SLC36A4: variants seen among roughly 807,000 people sequenced by gnomAD.
SLC36A4 encodes the protein neutral amino acid uniporter 4.
Under a neutral mutation model 50.5 loss-of-function variants are expected in SLC36A4, and 49 were observed. That is an observed-to-expected ratio of 0.97 (90% CI 0.77 to 1.23). The LOEUF (loss-of-function observed/expected upper bound fraction) is 1.23. Among genes scored for constraint, SLC36A4 ranks in the 50% most tolerant of loss-of-function variants. The pLI, the probability that SLC36A4 is intolerant of heterozygous loss-of-function variation, is 0.00. For missense variants in SLC36A4, 611 were observed against 608.4 expected (o/e 1.00, Z -0.05); for synonymous variants, 207 against 206.5 (o/e 1.00, Z -0.02).
At position 93,162,764 on chromosome 11, in the gene SLC36A4, T is replaced by C. The variant is rs1240224597; in HGVS notation, c.979A>G (p.Met327Val). The part of the protein sequence containing the change: ...LYVTLATLGY[M>V]CFHDEIKGSI... ...CCTTTGATTTCATCATGGAAACACA[T>C]ATATCCTAAAGTAGCTAATGTTACA... is the stretch of plus-strand genomic sequence containing the variant. Residue 327 changes from methionine to valine, a missense_variant, in exon 9 of 11, where the codon ATG (methionine) becomes GTG (valine). By Grantham distance (21) the Met-to-Val change is conservative (BLOSUM62 1). Transcript: ENST00000326402. 1.9e-6 allele frequency: 3 copies of C among 1,613,592 alleles called. No individual in the cohort carries two copies. The highest frequency in any genetic ancestry group is 1.7e-6 in the Non-Finnish European group (2 of 1,179,786).
intron 3 of SLC36A4, among the ~76,000 whole-genome samples, chr11:93,183,844 T>A (rs1240976529): frequency 2.0e-5 from 3 of 151,898 alleles, no homozygotes; most frequent in East Asian, 1.9e-4. Flanking sequence ...ACTACAGGCA[T>A]CCGCCACCAC....
intron 6 of SLC36A4, chr11:93,180,407 G>T: frequency 1.3e-6 from 1 of 775,350 alleles, no homozygotes; most frequent in Non-Finnish European, 1.6e-6. Flanking sequence ...TTTTAATAAT[G>T]AATGCTCACT....
chr11:93,178,666 GAATT>G (rs1330450310), intron 6 of SLC36A4, among the ~76,000 whole-genome samples: 2 of 152,150 alleles, frequency 1.3e-5, no homozygotes, highest in Non-Finnish European at 2.9e-5. Flanking sequence ...AAACTTTGCT[GAATT>G]ATTTTATCAG....
At chr11:93,175,966 G>A (rs1442941155) in intron 6 of SLC36A4, among the ~76,000 whole-genome samples, 19 of 134,458 alleles carry the variant, frequency 1.4e-4, no homozygotes, top group Admixed American at 1.6e-4. Context: ...TATTAGGTCC[G>A]CTTGGTGCAG....
chr11:93,168,803 A>G (rs1321326525), intron 6 of SLC36A4, among the ~76,000 whole-genome samples: 2 of 152,046 alleles, frequency 1.3e-5, no homozygotes, highest in African/African-American at 4.8e-5. Flanking sequence ...CACAAGATAA[A>G]TCAACCTTAT....
At chr11:93,180,366 G>A (rs1861683342) in intron 6 of SLC36A4, 26 of 970,658 alleles carry the variant, frequency 2.7e-5, no homozygotes, top group Admixed American at 6.2e-5. Context: ...TGGACACAGT[G>A]TCTTTTTACA....
In SLC36A4 at chr11:93,180,858, A is replaced by C; in HGVS notation, c.479T>G (p.Val160Gly). 1 of 1,612,984 alleles carries C rather than the reference A, an allele frequency of 6.2e-7. No individual in the cohort carries two copies. Among genetic ancestry groups the C allele is most frequent in the Non-Finnish European group, 8.5e-7 (1 of 1,179,252 alleles). Residue 160 changes from valine (V) to glycine (G), a missense_variant, in exon 6 of 11, where the codon GTG (valine) becomes GGG (glycine). Val to Gly is a moderately radical substitution (Grantham distance 109). Transcript: ENST00000326402. ...ACTACAGAATCCCAGCTGTGTTATCACCAGAAAAAAGTCAACCACACTCCT... is the reference window on the plus strand; with the variant it reads ...ACTACAGAATCCCAGCTGTGTTATCCCCAGAAAAAAGTCAACCACACTCCT... ...WGRSVVDFFL[V>G]ITQLGFCSVY...
At chr11:93,162,977 A>AT (rs1167294557) in intron 8 of SLC36A4, 102 bp from the exon 9 acceptor site, 30 of 996,798 alleles carry the variant, frequency 3.0e-5, no homozygotes, top group Non-Finnish European at 4.4e-5. Flanking sequence ...CTATATGCAA[A>AT]TTTTTTTCCT....
Position 93,197,763 on chromosome 11 carries a change from A to C in SLC36A4, c.55+15T>G, listed in dbSNP as rs535100303. On this transcript the variant is annotated intron_variant, in intron 1 of 10. Transcript: ENST00000326402. ...CCACGTCAGCCCCGGCTCCCTGCCC[A>C]CGCACAACACCGACCTAGCTCCTCG... 4.4e-6 allele frequency: 7 copies of C among 1,588,810 alleles called. No individual in the cohort carries two copies. The African/African-American group carries it at 9.6e-5, about 22-fold the overall frequency.
In SLC36A4 at chr11:93,185,767, T is replaced by C. The variant is rs767328251; in HGVS notation, c.103A>G (p.Thr35Ala). The C allele has an allele frequency of 6.2e-7, 1 of 1,608,680 alleles. No homozygotes were observed. The highest frequency in any genetic ancestry group is 8.5e-7 in the Non-Finnish European group (1 of 1,178,544). Residue 35 changes from threonine to alanine, a missense_variant, in exon 2 of 11, where the codon ACA becomes GCA. Transcript: ENST00000326402. ...PLINEQNFDG[T>A]SDEEHEQELL... ...TCTTGCTCATGTTCTTCATCTGATG[T>C]CCCATCAAAATTCTGCTCATTTATC...
intron 9 of SLC36A4, chr11:93,160,823 C>T: frequency 1.2e-6 from 1 of 854,154 alleles, no homozygotes; most frequent in African/African-American, 1.8e-5. Context: ...ATTTTTAAGA[C>T]CTAGTCAAAA....
chr11:93,160,217 C>T, intron 9 of SLC36A4: 1 of 985,426 alleles, frequency 1.0e-6, no homozygotes, highest in Non-Finnish European at 1.2e-6. Context: ...AGAGTCCACA[C>T]AGAAACAGAC....
At chr11:93,179,513 C>T (rs966801476) in intron 6 of SLC36A4, among the ~76,000 whole-genome samples, 1 of 152,138 alleles carries the variant, frequency 6.6e-6, no homozygotes, top group African/African-American at 2.4e-5. Flanking sequence ...AAAGGTTTCA[C>T]AGAACAGGTG....
At chr11:93,162,395 G>A (rs1380805437) in intron 9 of SLC36A4, among the ~76,000 whole-genome samples, 3 of 151,720 alleles carry the variant, frequency 2.0e-5, no homozygotes, top group Admixed American at 6.6e-5. Flanking sequence ...TGCAACCTCC[G>A]CCTCCCGGGT....
At chr11:93,184,057 T>C (rs577511468) in intron 3 of SLC36A4, among the ~76,000 whole-genome samples, 1 of 152,308 alleles carries the variant, frequency 6.6e-6, no homozygotes, top group East Asian at 1.9e-4. Context: ...AAAAAAACTA[T>C]ACAATGTCAC....
chr11:93,176,319 T>C (rs2035134387), intron 6 of SLC36A4, among the ~76,000 whole-genome samples: 1 of 151,020 alleles, frequency 6.6e-6, no homozygotes, highest in African/African-American at 2.4e-5. Flanking sequence ...TCCTCCATCC[T>C]TTTATTTTGA....
chr11:93,172,107 TA>T (rs1167955151), intron 6 of SLC36A4, among the ~76,000 whole-genome samples: 4 of 152,084 alleles, frequency 2.6e-5, no homozygotes, highest in Non-Finnish European at 5.9e-5. Context: ...AAATATCTAG[TA>T]AAAGTTAGAA....
chr11:93,159,264 A>G (rs1329649228), intron 9 of SLC36A4, among the ~76,000 whole-genome samples: 2 of 152,174 alleles, frequency 1.3e-5, no homozygotes, highest in Non-Finnish European at 2.9e-5. Context: ...ATAGGGAGAA[A>G]ACAACTTAAT....
chr11:93,176,029 T>C (rs1861452590), intron 6 of SLC36A4, among the ~76,000 whole-genome samples: 1 of 112,336 alleles, frequency 8.9e-6, no homozygotes, highest in Non-Finnish European at 1.8e-5. Flanking sequence ...CGTTGATCTG[T>C]CTAATGTTGA....
Sources: gnomAD v4.1 joint callset for allele counts (sites outside exome capture counted in the v4.1 genomes callset) on GRCh38, gnomAD v4.1.1 for gene constraint, MANE v1.5 for transcripts, NCBI Gene and HGNC (gene_info 2026-07-23, HGNC 2026-07-21) for gene names.